Variants in DAB1 observed in about 807,000 individuals in gnomAD.
The protein encoded by DAB1 is disabled homolog 1.
A neutral mutation model predicts 64.6 loss-of-function variants in DAB1; 15 were observed. The ratio of observed to expected loss-of-function variants is 0.23; its 90% confidence interval spans 0.16 to 0.36. The LOEUF is 0.36. DAB1 is among the 10% of genes least tolerant of loss of function. The pLI is 1.00. For missense variants in DAB1, 596 were observed against 706.7 expected (o/e 0.84, Z 1.78); for synonymous variants, 235 against 251.9 (o/e 0.93, Z 0.64).
chr1:57,983,198 C>T (rs997689303), intron 5 of DAB1, among the ~76,000 whole-genome samples: 1 of 152,170 alleles, frequency 6.6e-6, no homozygotes, highest in Non-Finnish European at 1.5e-5. Flanking sequence ...CCAAGATGTA[C>T]ACATTCACTA....
intron 6 of DAB1, among the ~76,000 whole-genome samples, chr1:57,799,873 T>G (rs1462661982): frequency 6.6e-6 from 1 of 152,162 alleles, no homozygotes; most frequent in Non-Finnish European, 1.5e-5. Context: ...CTGCTTTTGC[T>G]TCAAGGGCAG....
intron 5 of DAB1, among the ~76,000 whole-genome samples, chr1:58,040,017 C>T (rs1040241576): frequency 1.3e-5 from 2 of 152,022 alleles, no homozygotes; most frequent in Non-Finnish European, 1.5e-5. Flanking sequence ...TTTCCACACA[C>T]GTAGAATAAG....
chr1:58,051,780 G>A (rs539661511), intron 5 of DAB1, among the ~76,000 whole-genome samples: 1 of 152,288 alleles, frequency 6.6e-6, no homozygotes. Context: ...ATTTTGATTT[G>A]CATTTCTCTG....
chr1:57,896,693 G>A (rs368690008), intron 5 of DAB1, among the ~76,000 whole-genome samples: 19 of 152,172 alleles, frequency 1.2e-4, no homozygotes, highest in African/African-American at 4.1e-4. Context: ...GAGCATTAAC[G>A]GTAACCTTCC....
chr1:58,512,927 C>T (rs142066958), intron 2 of DAB1, among the ~76,000 whole-genome samples: 45 of 152,172 alleles, frequency 3.0e-4, no homozygotes, highest in African/African-American at 9.9e-4. Context: ...AAAAAAGTAA[C>T]GATAGACCAA....
In DAB1 at chr1:57,418,128, C is replaced by T. The variant is rs372376847; in HGVS notation, c.-137+5802G>A. On this transcript the variant is annotated intron_variant, in intron 1 of 14. Coordinates refer to ENST00000371236, the MANE Select transcript of DAB1 (RefSeq NM_001365792.1). ...TTGGTACTCTTCACAATGCCTAGCA[C>T]AGAGCCAGAGTCAAGCACAAAGTAG... 3.3e-5 allele frequency among the ~76,000 whole-genome samples: 5 copies of T among 152,312 alleles called. No homozygotes were observed. In the East Asian group the frequency reaches 5.8e-4, roughly 18 times the overall value.
chr1:57,741,332 T>C (rs1468203423), intron 6 of DAB1, among the ~76,000 whole-genome samples: 2 of 152,220 alleles, frequency 1.3e-5, no homozygotes, highest in Non-Finnish European at 2.9e-5. Context: ...ATGAACTTAA[T>C]GGATTTCATT....
At chr1:57,783,106 C>CTTTTTTTTT (rs58761251) in intron 6 of DAB1, among the ~76,000 whole-genome samples, 5 of 99,874 alleles carry the variant, frequency 5.0e-5, no homozygotes, top group Non-Finnish European at 9.2e-5. Context: ...TCTCTCTTTT[C>CTTTTTTTTT]TTTTTTTTTT....
At chr1:57,208,885 ACC>A (rs1202439672) in intron 2 of DAB1, among the ~76,000 whole-genome samples, 1 of 152,230 alleles carries the variant, frequency 6.6e-6, no homozygotes, top group Non-Finnish European at 1.5e-5. Flanking sequence ...TGAAACAGAA[ACC>A]TTGAGAATTA....
chr1:58,078,067 A>G (rs1649763875), intron 5 of DAB1: 1 of 152,288 alleles, frequency 6.6e-6, no homozygotes, highest in South Asian at 2.1e-4. Flanking sequence ...CAAGAAGGTA[A>G]GCAGAACTCA....
intron 1 of DAB1, among the ~76,000 whole-genome samples, chr1:57,840,205 T>G (rs1190351016): frequency 2.6e-5 from 4 of 152,154 alleles, no homozygotes; most frequent in Non-Finnish European, 4.4e-5. Flanking sequence ...AGAAGGGAGC[T>G]CAGTGTCTGG....
intron 7 of DAB1, among the ~76,000 whole-genome samples, chr1:57,601,889 A>C (rs1645579703): frequency 1.3e-5 from 2 of 152,128 alleles, no homozygotes; most frequent in Admixed American, 1.3e-4. Flanking sequence ...AAGAAAATGA[A>C]CCATGTGTCA....
At chr1:57,311,728 A>C (rs1332397271) in intron 1 of DAB1, among the ~76,000 whole-genome samples, 1 of 152,200 alleles carries the variant, frequency 6.6e-6, no homozygotes, top group Admixed American at 6.5e-5. Flanking sequence ...TACACAATCT[A>C]TATCCAGGCA....
At chr1:58,098,320 T>G (rs1651112078) in intron 5 of DAB1, among the ~76,000 whole-genome samples, 1 of 152,110 alleles carries the variant, frequency 6.6e-6, no homozygotes, top group Non-Finnish European at 1.5e-5. Flanking sequence ...CTGGGCTCCA[T>G]CGCCACCCTA....
At chr1:57,579,255 T>C (rs1645285127) in intron 7 of DAB1, among the ~76,000 whole-genome samples, 1 of 152,226 alleles carries the variant, frequency 6.6e-6, no homozygotes, top group South Asian at 2.1e-4. Context: ...CTTTTCCCTA[T>C]CCATCATAAT....
intron 3 of DAB1, among the ~76,000 whole-genome samples, chr1:58,495,097 G>T (rs1300524141): frequency 2.0e-5 from 3 of 152,054 alleles, no homozygotes; most frequent in African/African-American, 7.2e-5. Flanking sequence ...CCATAAAAAA[G>T]GATGAGTTCA....
At chr1:57,442,984 C>T (rs1443148737) in intron 7 of DAB1, among the ~76,000 whole-genome samples, 1 of 152,226 alleles carries the variant, frequency 6.6e-6, no homozygotes, top group Non-Finnish European at 1.5e-5. Flanking sequence ...TTATCTGCTA[C>T]AGCACTCTCC....
At position 57,451,295 on chromosome 1, in the gene DAB1, T is replaced by A. The variant is rs571775310; in HGVS notation, n.626-160129A>T. Among the ~76,000 whole-genome samples the A allele has an allele frequency of 2.3e-3, 350 of 152,310 alleles. 2 individuals are homozygous for A. Among genetic ancestry groups the A allele is most frequent in the African/African-American group, 7.8e-3 (324 of 41,568 alleles). On this transcript the variant is annotated intron_variant and non_coding_transcript_variant, in intron 7 of 20. Coordinates refer to the DAB1 transcript ENST00000485760. The stretch of plus-strand genomic sequence containing the variant: ...CATTAAGCCTCTGCCCACAGACACA[T>A]GGACAAGGTCAACCTTTAAGATTTG...
chr1:58,499,483 T>C (rs554304707), intron 3 of DAB1, among the ~76,000 whole-genome samples: 1 of 147,292 alleles, frequency 6.8e-6, no homozygotes, highest in Non-Finnish European at 1.5e-5. Flanking sequence ...AGACTATAGA[T>C]AGATAGATAG....
Sources: gnomAD v4.1 joint callset for allele counts (sites outside exome capture counted in the v4.1 genomes callset) on GRCh38, gnomAD v4.1.1 for gene constraint, MANE v1.5 for transcripts, NCBI Gene and HGNC (gene_info 2026-07-23, HGNC 2026-07-21) for gene names.